Variants in FAM149B1 observed in about 807,000 individuals in gnomAD.
FAM149B1 encodes family with sequence similarity 149 member B1.
A neutral mutation model predicts 75.3 loss-of-function variants in FAM149B1; 56 were observed. The observed-to-expected ratio is 0.74, with a 90% CI of 0.60 to 0.93. FAM149B1 has a LOEUF of 0.93. FAM149B1 is among the 40% of genes least tolerant of loss of function. FAM149B1 has a pLI of 0.00. For missense variants in FAM149B1, 639 were observed against 708.4 expected, an observed-to-expected ratio of 0.90 and a Z score of 1.11; for synonymous variants, 259 against 256.1, an observed-to-expected ratio of 1.01 and a Z score of -0.11.
chr10:73,228,461 G>C (rs373505583), intron 8 of FAM149B1, among the ~76,000 whole-genome samples: 1 of 152,086 alleles, frequency 6.6e-6, no homozygotes, highest in African/African-American at 2.4e-5. Context: ...GTCTGTTTTG[G>C]GAAGAATGGA....
At chr10:73,171,244 G>A (rs1439737989) in intron 1 of FAM149B1, among the ~76,000 whole-genome samples, 3 of 151,932 alleles carry the variant, frequency 2.0e-5, no homozygotes, top group African/African-American at 7.3e-5. Flanking sequence ...TGGCCTACTT[G>A]TTCTTGATTG....
intron 3 of FAM149B1, among the ~76,000 whole-genome samples, chr10:73,181,009 CT>C (rs558040188): frequency 0.054 from 7,451 of 137,582 alleles, 540 homozygotes; most frequent in African/African-American, 0.18. Context: ...TTTTCTAGTT[CT>C]TTTTTTTTTT....
chr10:73,214,753 T>A (rs1207433963), intron 7 of FAM149B1, among the ~76,000 whole-genome samples: 1 of 152,200 alleles, frequency 6.6e-6, no homozygotes, highest in Non-Finnish European at 1.5e-5. Flanking sequence ...GATATTGGGC[T>A]TTTCTTTTTT....
chr10:73,239,473 C>A, intron 13 of FAM149B1, 89 bp downstream of exon 13: 1 of 944,368 alleles, frequency 1.1e-6, no homozygotes, highest in Non-Finnish European at 1.6e-6. Flanking sequence ...ATTTCCCCTT[C>A]TTTCAGATTT....
At chr10:73,172,511 A>G (rs1489186983) in intron 1 of FAM149B1, among the ~76,000 whole-genome samples, 2 of 152,224 alleles carry the variant, frequency 1.3e-5, no homozygotes, top group Non-Finnish European at 2.9e-5. Flanking sequence ...TTTGAGATTT[A>G]TGATAAACAT....
rs1387983270 is a variant in FAM149B1 at position 73,235,206 on chromosome 10, A to C, written c.1490A>C (p.Asp497Ala). 1 of 1,551,532 alleles carries C rather than the reference A, an allele frequency of 6.4e-7. No individual in the cohort carries two copies. The highest frequency in any genetic ancestry group is 2.0e-5 in the Admixed American group (1 of 50,956). ...GPQRQMKPHGDSSRAQSAVVD... is the reference protein window; with the variant it reads ...GPQRQMKPHGASSRAQSAVVD... Reference sequence around the variant, plus strand: ...TCTCCTCTGCAGAAACCCCATGGCGACTCTAGTCGAGCTCAAAGTGCGGTG... The same window carrying C: ...TCTCCTCTGCAGAAACCCCATGGCGCCTCTAGTCGAGCTCAAAGTGCGGTG... The change falls in exon 12 of 14, where the codon GAC becomes GCC. Residue 497 changes from aspartate (D) to alanine (A), a missense_variant. Transcript: ENST00000242505.
intron 3 of FAM149B1, among the ~76,000 whole-genome samples, chr10:73,187,264 T>C (rs902191572): frequency 1.3e-5 from 2 of 151,952 alleles, no homozygotes; most frequent in Admixed American, 6.6e-5. Context: ...ATATTAATAA[T>C]ATGGCATTTC....
At chr10:73,236,212 CA>C (rs35239162) in intron 12 of FAM149B1, among the ~76,000 whole-genome samples, 15,955 of 152,134 alleles carry the variant, frequency 0.1, 1,209 homozygotes, top group East Asian at 0.31. Flanking sequence ...AAGAAATGAC[CA>C]AACAACTGGG....
At chr10:73,176,518 C>T (rs1191010343) in intron 2 of FAM149B1, among the ~76,000 whole-genome samples, 2 of 152,122 alleles carry the variant, frequency 1.3e-5, no homozygotes, top group Admixed American at 1.3e-4. Flanking sequence ...AGTAATAGAA[C>T]AGGGAAGATG....
intron 12 of FAM149B1, 32 bp downstream of exon 12, chr10:73,235,350 A>G (rs2043798913): frequency 5.8e-6 from 9 of 1,550,152 alleles, no homozygotes; most frequent in Non-Finnish European, 7.8e-6. Context: ...AATGGTCTTG[A>G]TAGTTGGGGA....
chr10:73,208,937 TG>T lies in FAM149B1; in HGVS notation c.710+152del, dbSNP rs150258877. On this transcript the variant is annotated intron_variant, in intron 6 of 13. Transcript: ENST00000242505. ...TTATTTCTCAGGTATCCAGAATTTA[TG>T]TTCTTATTGCCTCCATGTACTAGAC... is the stretch of plus-strand genomic sequence containing the variant. 5.7e-4 allele frequency among the ~76,000 whole-genome samples: 87 copies of T among 152,350 alleles called. 1 individual carries two copies. The highest frequency in any genetic ancestry group is 1.1e-3 in the Non-Finnish European group (74 of 68,038).
At chr10:73,230,281 G>T in intron 8 of FAM149B1, 141 bp from the exon 9 acceptor site, 1 of 569,208 alleles carries the variant, frequency 1.8e-6, no homozygotes, top group East Asian at 3.0e-5. Context: ...CCAGCTACGG[G>T]CCCCAAGATG....
chr10:73,238,072 G>C (rs1380188373), intron 12 of FAM149B1, among the ~76,000 whole-genome samples: 1 of 152,160 alleles, frequency 6.6e-6, no homozygotes, highest in East Asian at 1.9e-4. Context: ...TGAGCCGGCT[G>C]CAGTGGCTTA....
intron 3 of FAM149B1, among the ~76,000 whole-genome samples, chr10:73,178,777 C>G (rs1448529448): frequency 6.6e-6 from 1 of 152,008 alleles, no homozygotes; most frequent in Non-Finnish European, 1.5e-5. Context: ...AATATTTACT[C>G]AAAATATTGT....
intron 3 of FAM149B1, among the ~76,000 whole-genome samples, chr10:73,184,541 T>G (rs530455179): frequency 6.6e-6 from 1 of 151,976 alleles, no homozygotes; most frequent in East Asian, 1.9e-4. Flanking sequence ...TAAAGCAAGT[T>G]TTTTAACTAT....
At chr10:73,202,309 A>G (rs188693302) in intron 5 of FAM149B1, among the ~76,000 whole-genome samples, 69 of 152,290 alleles carry the variant, frequency 4.5e-4, no homozygotes, top group African/African-American at 1.5e-3. Context: ...ATAAAGGCCT[A>G]TAGTTGTTAG....
In FAM149B1 at chr10:73,243,330, A is replaced by G; in HGVS notation, c.*2311A>G. The G allele has an allele frequency of 6.3e-7, 1 of 1,576,328 alleles. No individual in the cohort carries two copies. Among genetic ancestry groups the G allele is most frequent in the Non-Finnish European group, 8.6e-7 (1 of 1,161,222 alleles). ...AAGAGCTGAATTGACTTTTGCCTTC[A>G]AATCCTGCCTGCACCTTGCCTACGA... On this transcript the variant is annotated 3_prime_UTR_variant, in exon 14 of 14. Transcript: ENST00000242505.
At chr10:73,177,799 A>G (rs746431804) in intron 2 of FAM149B1, 47 bp from the exon 3 acceptor site, 6 of 1,539,158 alleles carry the variant, frequency 3.9e-6, no homozygotes, top group Middle Eastern at 2.0e-4. Flanking sequence ...TTGAGGACAT[A>G]TGAAAAATTT....
chr10:73,201,056 C>A, intron 5 of FAM149B1: 1 of 300,204 alleles, frequency 3.3e-6, no homozygotes, highest in Non-Finnish European at 6.7e-6. Context: ...TATGATCTAC[C>A]TAGCAGTCAT....
Sources: allele counts gnomAD v4.1 joint callset (sites outside exome capture counted in the v4.1 genomes callset), GRCh38; gene constraint gnomAD v4.1.1; transcripts MANE v1.5; gene names NCBI Gene and HGNC (gene_info 2026-07-23, HGNC 2026-07-21).